Variants in TYW1B observed in about 807,000 individuals in gnomAD.
The protein encoded by TYW1B is tRNA-yW synthesizing protein 1 homolog B.
Under a neutral mutation model 86.9 loss-of-function variants are expected in TYW1B, and 73 were observed. The ratio of observed to expected loss-of-function variants is 0.84; its 90% confidence interval spans 0.70 to 1.02. The LOEUF is 1.02. Ranked by LOEUF, TYW1B falls within the 50% of genes least tolerant of loss-of-function variation. The pLI is 0.00. For missense variants in TYW1B, 637 were observed against 827.4 expected, an observed-to-expected ratio of 0.77 and a Z score of 2.82; for synonymous variants, 248 against 292.8, an observed-to-expected ratio of 0.85 and a Z score of 1.56.
At chr7:72,618,934 G>T (rs1205677538) in intron 12 of TYW1B, among the ~76,000 whole-genome samples, 4 of 152,156 alleles carry the variant, frequency 2.6e-5, no homozygotes, top group South Asian at 2.1e-4. Flanking sequence ...AACCAACATG[G>T]CCAATGGAGT....
chr7:72,707,566 C>T (rs1554453912), intron 10 of TYW1B, among the ~76,000 whole-genome samples: 2 of 152,206 alleles, frequency 1.3e-5, no homozygotes, highest in African/African-American at 4.8e-5. Context: ...GTGTGTTACA[C>T]ATTCTTGTCA....
intron 9 of TYW1B, among the ~76,000 whole-genome samples, chr7:72,721,602 ACACT>A (rs1264132726): frequency 6.6e-6 from 1 of 151,676 alleles, no homozygotes; most frequent in African/African-American, 2.4e-5. Context: ...CCATTATCTC[ACACT>A]CACACACACA....
intron 6 of TYW1B, among the ~76,000 whole-genome samples, chr7:72,790,777 C>G (rs1554473242): frequency 6.6e-6 from 1 of 152,218 alleles, no homozygotes. Flanking sequence ...TGCAGAACTG[C>G]CTGGCTGGCA....
At chr7:72,624,359 A>T (rs551554339) in intron 12 of TYW1B, among the ~76,000 whole-genome samples, 1,703 of 152,340 alleles carry the variant, frequency 0.011, 44 homozygotes, top group African/African-American at 0.039. Flanking sequence ...AGGTCACTGT[A>T]AACAATCTGA....
intron 13 of TYW1B, among the ~76,000 whole-genome samples, chr7:72,596,081 A>C (rs1178759693): frequency 2.0e-5 from 3 of 150,526 alleles, no homozygotes; most frequent in South Asian, 2.1e-4. Context: ...GAGGCTGAGG[A>C]AGGAGAATCA....
chr7:72,763,071 T>C (rs1448071367), intron 7 of TYW1B, among the ~76,000 whole-genome samples: 2 of 152,096 alleles, frequency 1.3e-5, no homozygotes, highest in Admixed American at 6.6e-5. Flanking sequence ...ATCAGGTTTG[T>C]CTTCCAGGTT....
intron 13 of TYW1B, among the ~76,000 whole-genome samples, chr7:72,586,524 G>T (rs1177280406): frequency 6.6e-6 from 1 of 152,140 alleles, no homozygotes; most frequent in Non-Finnish European, 1.5e-5. Context: ...ATCACCTGAG[G>T]TCAGGAGTTT....
At chr7:72,758,500 T>G (rs1462155061) in intron 7 of TYW1B, among the ~76,000 whole-genome samples, 1 of 152,084 alleles carries the variant, frequency 6.6e-6, no homozygotes, top group Non-Finnish European at 1.5e-5. Flanking sequence ...TGTTATCTGG[T>G]TCACATAATT....
At position 72,734,257 on chromosome 7, in the gene TYW1B, C is replaced by CAAAAAAAAA. The variant is rs111714599; in HGVS notation, c.1083-5335_1083-5327dup. ...CAGGCAACAGTTTAAAACTCCATCT[C>CAAAAAAAAA]AAAAAAAAAAAACACAACAAAAAAA... On this transcript the variant is annotated intron_variant, in intron 8 of 13. Transcript: ENST00000620995. Among the ~76,000 whole-genome samples the CAAAAAAAAA allele has an allele frequency of 6.9e-3, 246 of 35,810 alleles. 4 individuals are homozygous for CAAAAAAAAA. The highest frequency in any genetic ancestry group is 0.016 in the African/African-American group (237 of 14,460). The allele number at this position is 35,810 out of a possible 152,430, so 23.5% of individuals were successfully genotyped here. A position where few individuals can be genotyped will look rare whatever the true frequency, so the allele number is the denominator to read the frequency against.
At chr7:72,681,374 C>A (rs1482160871) in intron 11 of TYW1B, among the ~76,000 whole-genome samples, 1 of 152,006 alleles carries the variant, frequency 6.6e-6, no homozygotes, top group African/African-American at 2.4e-5. Flanking sequence ...AGAGCAAGGA[C>A]GATTAAATAA....
At chr7:72,732,579 A>G (rs1787132126) in intron 8 of TYW1B, among the ~76,000 whole-genome samples, 1 of 152,194 alleles carries the variant, frequency 6.6e-6, no homozygotes, top group African/African-American at 2.4e-5. Flanking sequence ...TGAAAGTAGA[A>G]GCAAATGTCA....
intron 11 of TYW1B, among the ~76,000 whole-genome samples, chr7:72,645,871 C>T (rs3015890): frequency 0.45 from 67,005 of 149,832 alleles, 16,943 homozygotes; most frequent in African/African-American, 0.7. Context: ...CATCCAGCAG[C>T]TCATGTAAGA....
At chr7:72,765,397 G>C (rs782289691) in intron 7 of TYW1B, among the ~76,000 whole-genome samples, 13 of 152,138 alleles carry the variant, frequency 8.5e-5, no homozygotes, top group Non-Finnish European at 1.5e-4. Context: ...ACTAGATTCT[G>C]AATTCTTCTA....
intron 10 of TYW1B, among the ~76,000 whole-genome samples, chr7:72,702,010 G>C (rs1469025100): frequency 6.6e-6 from 1 of 152,140 alleles, no homozygotes; most frequent in Non-Finnish European, 1.5e-5. Flanking sequence ...CGTGTGAGTG[G>C]GGTTGGAGAT....
At chr7:72,790,512 C>G (rs1410552503) in intron 6 of TYW1B, among the ~76,000 whole-genome samples, 1 of 152,174 alleles carries the variant, frequency 6.6e-6, no homozygotes, top group Non-Finnish European at 1.5e-5. Flanking sequence ...TCTGGCAGCC[C>G]TCCCAGGATG....
chr7:72,662,732 T>C (rs781916631), intron 11 of TYW1B, among the ~76,000 whole-genome samples: 4 of 152,198 alleles, frequency 2.6e-5, no homozygotes, highest in African/African-American at 4.8e-5. Flanking sequence ...CATAATTTTT[T>C]TTATTCCTAT....
intron 2 of TYW1B, among the ~76,000 whole-genome samples, chr7:72,820,571 G>A (rs1164076515): frequency 3.9e-5 from 6 of 152,156 alleles, no homozygotes; most frequent in Non-Finnish European, 7.3e-5. Flanking sequence ...GAGTAGAAGT[G>A]AAAGGGAGCT....
chr7:72,659,594 A>C (rs1295149054), intron 11 of TYW1B, among the ~76,000 whole-genome samples: 1 of 152,166 alleles, frequency 6.6e-6, no homozygotes, highest in East Asian at 1.9e-4. Flanking sequence ...AAGAAAAGAA[A>C]AAAACAAAAA....
chr7:72,824,016 A>G (rs1788881263), intron 2 of TYW1B, among the ~76,000 whole-genome samples: 1 of 152,050 alleles, frequency 6.6e-6, no homozygotes, highest in South Asian at 2.1e-4. Flanking sequence ...GGTTTTTTAT[A>G]AGTAACATTA....
Sources: gnomAD v4.1 joint callset for allele counts (sites outside exome capture counted in the v4.1 genomes callset) on GRCh38, gnomAD v4.1.1 for gene constraint, MANE v1.5 for transcripts, NCBI Gene and HGNC (gene_info 2026-07-23, HGNC 2026-07-21) for gene names.